The following RBFOX1 variants were observed in gnomAD, a reference collection of about 807,000 sequenced individuals.
RBFOX1 encodes the protein RNA binding protein fox-1 homolog 1.
Under a neutral mutation model 57.7 loss-of-function variants are expected in RBFOX1, and 8 were observed. The observed-to-expected ratio is 0.14, with a 90% CI of 0.08 to 0.25. The LOEUF is 0.25. RBFOX1 is among the 10% of genes least tolerant of loss of function. The probability of loss-of-function intolerance (pLI) is 1.00; values close to 1 mark genes in which losing one functional copy is unlikely to be tolerated. For missense variants in RBFOX1, 611 were observed against 548.5 expected, an observed-to-expected ratio of 1.11 and a Z score of -1.14; for synonymous variants, 326 against 222.4, an observed-to-expected ratio of 1.47 and a Z score of -4.15.
chr16:7,453,773 G>A (rs758855960), intron 4 of RBFOX1, among the ~76,000 whole-genome samples: 1 of 152,296 alleles, frequency 6.6e-6, no homozygotes, highest in Non-Finnish European at 1.5e-5. Context: ...ACTGACTGAA[G>A]TGTTGGGCAC....
intron 4 of RBFOX1, among the ~76,000 whole-genome samples, chr16:7,258,478 T>G (rs1345449242): frequency 1.3e-5 from 2 of 152,260 alleles, no homozygotes; most frequent in East Asian, 3.9e-4. Flanking sequence ...TCTCTCTCTC[T>G]CTGTCAAGGG....
chr16:5,626,490 C>T (rs369810124), intron 3 of RBFOX1, among the ~76,000 whole-genome samples: 10 of 152,310 alleles, frequency 6.6e-5, no homozygotes, highest in African/African-American at 2.2e-4. Context: ...ACATTCTGAG[C>T]TCCTGGCGGT....
At chr16:6,017,888 G>A (rs1257527670), upstream of RBFOX1, among the ~76,000 whole-genome samples, 3 of 152,152 alleles carry the variant, frequency 2.0e-5, no homozygotes, top group Non-Finnish European at 4.4e-5. Flanking sequence ...CTTATAAGAG[G>A]ATCCATGGTA....
chr16:5,603,108 G>T (rs77091844), downstream of RBFOX1, among the ~76,000 whole-genome samples: 845 of 152,286 alleles, frequency 5.5e-3, 12 homozygotes, highest in African/African-American at 0.019. Context: ...GCACCAGTCA[G>T]CTCTACTTTT....
intron 3 of RBFOX1, among the ~76,000 whole-genome samples, chr16:6,877,047 G>C (rs1241476914): frequency 3.3e-5 from 5 of 152,130 alleles, no homozygotes; most frequent in Non-Finnish European, 5.9e-5. Context: ...ATATTCATAT[G>C]TATATTTTGT....
At chr16:6,624,402 C>A (rs181952682) in intron 2 of RBFOX1, among the ~76,000 whole-genome samples, 3 of 151,988 alleles carry the variant, frequency 2.0e-5, no homozygotes, top group African/African-American at 7.3e-5. Context: ...AGGGCAGTAT[C>A]CTTCATTATA....
chr16:5,773,454 G>T (rs1345695856), intron 3 of RBFOX1, among the ~76,000 whole-genome samples: 1 of 152,094 alleles, frequency 6.6e-6, no homozygotes, highest in Non-Finnish European at 1.5e-5. Flanking sequence ...TGTTCAACAT[G>T]TTTCATATTC....
chr16:6,553,490 C>T (rs1477216230), intron 2 of RBFOX1, among the ~76,000 whole-genome samples: 1 of 152,086 alleles, frequency 6.6e-6, no homozygotes, highest in Non-Finnish European at 1.5e-5. Context: ...ATTGATGCCA[C>T]CTACACCAAT....
intron 5 of RBFOX1, among the ~76,000 whole-genome samples, chr16:7,575,634 C>G (rs1054315065): frequency 6.6e-6 from 1 of 152,090 alleles, no homozygotes; most frequent in Non-Finnish European, 1.5e-5. Context: ...CTCCTGGCAC[C>G]TTGATTTTAG....
chr16:6,594,244 A>G (rs564499063), intron 2 of RBFOX1, among the ~76,000 whole-genome samples: 22 of 152,336 alleles, frequency 1.4e-4, no homozygotes, highest in Non-Finnish European at 3.2e-4. Flanking sequence ...TGACTGCTAA[A>G]TGAAGAAGGA....
chr16:7,341,311 G>A (rs1036715299), intron 4 of RBFOX1, among the ~76,000 whole-genome samples: 1 of 152,054 alleles, frequency 6.6e-6, no homozygotes, highest in Non-Finnish European at 1.5e-5. Flanking sequence ...TCTAGATTGA[G>A]CTTTTCAGGC....
intron 1 of RBFOX1, among the ~76,000 whole-genome samples, chr16:6,235,190 C>G (rs930191271): frequency 1.3e-5 from 2 of 152,142 alleles, no homozygotes; most frequent in African/African-American, 4.8e-5. Context: ...GAGTGCAGGG[C>G]TCTGCTGACC....
chr16:7,677,780 A>G (rs1597877854), intron 14 of RBFOX1, among the ~76,000 whole-genome samples: 1 of 152,220 alleles, frequency 6.6e-6, no homozygotes, highest in Non-Finnish European at 1.5e-5. Flanking sequence ...TAAAACAATG[A>G]TAACAATTTG....
chr16:6,840,010 T>C (rs771787823), intron 3 of RBFOX1, among the ~76,000 whole-genome samples: 3 of 152,196 alleles, frequency 2.0e-5, no homozygotes, highest in Non-Finnish European at 4.4e-5. Flanking sequence ...ATAATATCTG[T>C]AGCAACTATG....
chr16:7,512,925 A>G (rs1567602222), intron 4 of RBFOX1, among the ~76,000 whole-genome samples: 1 of 152,174 alleles, frequency 6.6e-6, no homozygotes. Flanking sequence ...CAACAGCTAA[A>G]CACAGGTCCA....
At chr16:6,288,623 C>A (rs549140610) in intron 1 of RBFOX1, among the ~76,000 whole-genome samples, 4 of 152,246 alleles carry the variant, frequency 2.6e-5, no homozygotes, top group Non-Finnish European at 5.9e-5. Flanking sequence ...CTGAGTTGCA[C>A]TTCTGGGAAA....
At position 5,505,041 on chromosome 16, in the gene RBFOX1, C is replaced by T. The variant is rs1408094940; in HGVS notation, c.258+37787C>T. Among the ~76,000 whole-genome samples the T allele has an allele frequency of 4.0e-5, 6 of 151,042 alleles. 1 individual carries two copies. The highest frequency in any genetic ancestry group is 1.5e-4 in the African/African-American group (6 of 40,496). On this transcript the variant is annotated intron_variant, in intron 2 of 2. Coordinates refer to the RBFOX1 transcript ENST00000585867. ...GAACGTGTTCTAAAGCTGGTCAAGGCGCTGGTTGCATAGCCCTGTGGATAT... is the reference window on the plus strand; with the variant it reads ...GAACGTGTTCTAAAGCTGGTCAAGGTGCTGGTTGCATAGCCCTGTGGATAT...
chr16:7,118,001 C>G (rs2066288205), intron 4 of RBFOX1, among the ~76,000 whole-genome samples: 1 of 152,134 alleles, frequency 6.6e-6, no homozygotes, highest in Non-Finnish European at 1.5e-5. Flanking sequence ...GGTTGATTTC[C>G]TCTCTTTGCA....
chr16:6,337,068 G>T (rs2083865928), intron 2 of RBFOX1, among the ~76,000 whole-genome samples: 1 of 152,174 alleles, frequency 6.6e-6, no homozygotes, highest in Admixed American at 6.5e-5. Flanking sequence ...GAACCCAAGA[G>T]TTCAGAGCAC....
Sources: allele counts gnomAD v4.1 joint callset (sites outside exome capture counted in the v4.1 genomes callset), GRCh38; gene constraint gnomAD v4.1.1; transcripts MANE v1.5; gene names NCBI Gene and HGNC (gene_info 2026-07-23, HGNC 2026-07-21).